The following PIK3CA variants were observed in gnomAD, a reference collection of about 807,000 sequenced individuals.
PIK3CA encodes phosphatidylinositol 4,5-bisphosphate 3-kinase catalytic subunit alpha isoform.
Under a neutral mutation model 138.2 loss-of-function variants are expected in PIK3CA, and 27 were observed. The ratio of observed to expected loss-of-function variants is 0.20; its 90% CI spans 0.14 to 0.27. PIK3CA has a LOEUF of 0.27. Among genes scored for constraint, PIK3CA ranks in the 10% least tolerant of loss-of-function variants. PIK3CA has a pLI of 1.00. For missense variants in PIK3CA, 544 were observed against 1,277.4 expected, an observed-to-expected ratio of 0.43 and a Z score of 8.75; for synonymous variants, 358 against 413.2, an observed-to-expected ratio of 0.87 and a Z score of 1.62.
At chr3:179,176,990 G>C (rs1332398045) in intron 1 of PIK3CA, among the ~76,000 whole-genome samples, 1 of 151,964 alleles carries the variant, frequency 6.6e-6, no homozygotes, top group South Asian at 2.1e-4. Context: ...CAGTATGGTA[G>C]GTTTAAAAAT....
intron 9 of PIK3CA, among the ~76,000 whole-genome samples, chr3:179,216,869 G>A (rs1249521573): frequency 4.6e-5 from 7 of 151,394 alleles, no homozygotes; most frequent in Middle Eastern, 3.2e-3. Context: ...CTGATAAATC[G>A]AGGATTGAGT....
chr3:179,209,457 A>T (rs1301094852), intron 6 of PIK3CA, 138 bp from the exon 7 acceptor site: 2 of 506,618 alleles, frequency 3.9e-6, no homozygotes, highest in Non-Finnish European at 3.6e-6. Flanking sequence ...ATATGACCTT[A>T]TAAAGTGCCT....
chr3:179,175,434 G>C (rs555173882), intron 1 of PIK3CA, among the ~76,000 whole-genome samples: 2 of 151,744 alleles, frequency 1.3e-5, no homozygotes, highest in Non-Finnish European at 2.9e-5. Flanking sequence ...TCATTTTATG[G>C]TATGGTACCT....
intron 1 of PIK3CA, among the ~76,000 whole-genome samples, chr3:179,196,915 A>C (rs1724278709): frequency 6.6e-6 from 1 of 152,192 alleles, no homozygotes; most frequent in Admixed American, 6.5e-5. Context: ...AGACAGAATA[A>C]AGAGAGAATT....
chr3:179,207,581 C>CT lies in PIK3CA; in HGVS notation c.1146-2013dup, dbSNP rs1724598330. ...TTTTTTTTGGAGGCGGAGTCTTGCT[C>CT]TGTCGCCCAGGCTGGAGTGCATGGC... On this transcript the variant is annotated intron_variant, in intron 6 of 20. Coordinates refer to ENST00000263967, the MANE Select transcript of PIK3CA (RefSeq NM_006218.4). Among the ~76,000 whole-genome samples, 3 of 148,234 alleles carry CT rather than the reference C, an allele frequency of 2.0e-5. No homozygotes were observed. The South Asian group carries it at 6.4e-4, about 31-fold the overall frequency.
chr3:179,170,398 G>A (rs1723531629), intron 1 of PIK3CA, among the ~76,000 whole-genome samples: 1 of 152,176 alleles, frequency 6.6e-6, no homozygotes, highest in Non-Finnish European at 1.5e-5. Context: ...TCTAGTGGGG[G>A]ACATTGGAGG....
chr3:179,220,921 A>G lies in PIK3CA; in HGVS notation c.2016-65A>G. On this transcript the variant is annotated intron_variant, in intron 13 of 20. Coordinates refer to ENST00000263967, the MANE Select transcript of PIK3CA (RefSeq NM_006218.4). This position sits in a 1 kb window ranked among gnomAD's most constrained non-coding sequence, Gnocchi z 4.1. ...AAATGAGTGTTTAAATTGTTTAGCA[A>G]AGATTATTTGTATACTGATTTAAGA... The G allele has an allele frequency of 7.6e-6, 7 of 924,400 alleles. No individual in the cohort carries two copies. The highest frequency in any genetic ancestry group is 1.1e-5 in the Non-Finnish European group (7 of 659,658). The allele number at this position is 924,400 out of a possible 1,614,324, so 57.3% of individuals were successfully genotyped here. A position where few individuals can be genotyped will look rare whatever the true frequency, so the allele number is the denominator to read the frequency against.
intron 16 of PIK3CA, among the ~76,000 whole-genome samples, chr3:179,225,106 G>A (rs73882971): frequency 6.6e-6 from 1 of 151,518 alleles, no homozygotes; most frequent in Non-Finnish European, 1.5e-5. Context: ...GTGTAGAGAA[G>A]TATTTTTTGT....
chr3:179,224,528 TTA>T (rs1400898255), intron 15 of PIK3CA, among the ~76,000 whole-genome samples, 170 bp from the exon 16 acceptor site: 1 of 152,154 alleles, frequency 6.6e-6, no homozygotes, highest in African/African-American at 2.4e-5. Context: ...TTTAAAACTT[TTA>T]GTTTTTTTTA....
At chr3:179,166,643 AT>A (rs1723428042) in intron 1 of PIK3CA, among the ~76,000 whole-genome samples, 1 of 152,212 alleles carries the variant, frequency 6.6e-6, no homozygotes, top group Admixed American at 6.5e-5. Context: ...TATTTGTTTA[AT>A]CAAATTGAGC....
At chr3:179,159,897 G>A (rs1285382532) in intron 1 of PIK3CA, among the ~76,000 whole-genome samples, 2 of 152,068 alleles carry the variant, frequency 1.3e-5, no homozygotes, top group African/African-American at 4.8e-5. Flanking sequence ...TAACACAGTG[G>A]TATTTGTATA....
intron 18 of PIK3CA, 63 bp downstream of exon 18, chr3:179,229,505 G>A (rs1279755922): frequency 1.6e-6 from 2 of 1,235,100 alleles, no homozygotes; most frequent in African/African-American, 3.0e-5. Context: ...GTCTGTCGGT[G>A]TTTGTGTATT....
At chr3:179,222,856 T>C (rs1725000690) in intron 14 of PIK3CA, among the ~76,000 whole-genome samples, 1 of 152,154 alleles carries the variant, frequency 6.6e-6, no homozygotes, top group East Asian at 1.9e-4. Flanking sequence ...TTTCACACCA[T>C]CACAAAGTTG....
intron 3 of PIK3CA, 74 bp downstream of exon 3, chr3:179,199,973 T>C: frequency 5.5e-6 from 5 of 902,934 alleles, no homozygotes; most frequent in Admixed American, 2.4e-5. Context: ...CTTTGTATAG[T>C]CTTTTTTTTT....
chr3:179,228,449 A>G (rs537608083), intron 17 of PIK3CA, among the ~76,000 whole-genome samples: 1 of 152,218 alleles, frequency 6.6e-6, no homozygotes, highest in African/African-American at 2.4e-5. Flanking sequence ...ACATTTTGCA[A>G]CTTAAGAAAC....
intron 1 of PIK3CA, among the ~76,000 whole-genome samples, chr3:179,154,041 T>G (rs2108349202): frequency 6.6e-6 from 1 of 152,360 alleles, no homozygotes; most frequent in South Asian, 2.1e-4. Flanking sequence ...GTTCTTTCTT[T>G]CCCTCTCTAC....
chr3:179,205,020 C>CAAAAAAAAAAAAAAAAAAAA (rs574908621), intron 6 of PIK3CA, among the ~76,000 whole-genome samples: 2 of 53,348 alleles, frequency 3.7e-5, no homozygotes, highest in Non-Finnish European at 6.9e-5. Context: ...GACTCCGTCT[C>CAAAAAAAAAAAAAAAAAAAA]AAAAAAAAAA....
At chr3:179,169,689 ATT>A (rs1204981058) in intron 1 of PIK3CA, among the ~76,000 whole-genome samples, 1 of 152,120 alleles carries the variant, frequency 6.6e-6, no homozygotes, top group Non-Finnish European at 1.5e-5. Context: ...ATACTATTCT[ATT>A]TTTATAACTA....
chr3:179,180,684 T>G (rs1363007055), intron 1 of PIK3CA, among the ~76,000 whole-genome samples: 7 of 152,088 alleles, frequency 4.6e-5, no homozygotes, highest in African/African-American at 1.7e-4. Flanking sequence ...AAGAATGTAT[T>G]CCACATTTGA....
Sources: gnomAD v4.1 joint callset for allele counts (sites outside exome capture counted in the v4.1 genomes callset) on GRCh38, gnomAD v4.1.1 for gene constraint, Gnocchi (gnomAD v3.1) non-coding constraint, MANE v1.5 for transcripts, NCBI Gene and HGNC (gene_info 2026-07-23, HGNC 2026-07-21) for gene names.